ACBD5: variants seen among roughly 807,000 people sequenced by gnomAD.
ACBD5 encodes acyl-CoA binding domain containing 5.
ACBD5 carries 40 observed loss-of-function variants against 71.8 expected under a neutral mutation model. The ratio of observed to expected loss-of-function variants is 0.56; its 90% confidence interval spans 0.43 to 0.72. The LOEUF is 0.72. Among genes scored for constraint, ACBD5 ranks in the 30% least tolerant of loss-of-function variants. The pLI, the probability that ACBD5 is intolerant of heterozygous loss-of-function variation, is 0.00. For synonymous variants in ACBD5, 229 were observed against 218.6 expected (o/e 1.05, Z -0.42); for missense variants, 559 against 644.5 (o/e 0.87, Z 1.44).
chr10:27,193,144 TG>T (rs2059153027), downstream of ACBD5, among the ~76,000 whole-genome samples: 1 of 125,376 alleles, frequency 8.0e-6, no homozygotes, highest in Admixed American at 7.7e-5. Context: ...TGTGTGTGTG[TG>T]TGTGTGTGTG....
chr10:27,226,958 C>T (rs1346659656), intron 4 of ACBD5, among the ~76,000 whole-genome samples: 3 of 148,024 alleles, frequency 2.0e-5, no homozygotes, highest in South Asian at 2.1e-4. Context: ...TGAGCCACTG[C>T]GCCTGGCCCA....
chr10:27,213,750 T>C (rs1190158064), intron 8 of ACBD5, among the ~76,000 whole-genome samples: 1 of 112,792 alleles, frequency 8.9e-6, no homozygotes, highest in East Asian at 2.5e-4. Flanking sequence ...AGAGGGAAAC[T>C]CCGCCTCAGA....
rs1437326317 is a variant in ACBD5, at chr10:27,240,438, G to A, written c.62C>T (p.Pro21Leu). ...WESWCCCCLI[P>L]ADRPWDRGQH... ...GCCCCGGTCCCAAGGTCTGTCGGCG[G>A]GAATCAGGCAGCAGCAGCACCAGCT... The change falls in exon 2 of 13, where the codon CCC (proline) becomes CTC (leucine). Residue 21 changes from proline to leucine, a missense_variant. Pro to Leu is a moderately conservative substitution (Grantham distance 98, BLOSUM62 -3). Transcript: ENST00000396271. The surrounding 1 kb of genome is among the most constrained non-coding windows in gnomAD (Gnocchi z 4.1). 1 of 1,614,060 alleles carries A rather than the reference G, an allele frequency of 6.2e-7. No homozygotes were observed. Among genetic ancestry groups the A allele is most frequent in the African/African-American group, 1.3e-5 (1 of 75,012 alleles).
At position 27,240,631 on chromosome 10, in the gene ACBD5, T is replaced by G. The variant is rs2065376220; in HGVS notation, c.15+43A>C. The G allele has an allele frequency of 6.4e-7, 1 of 1,550,702 alleles. No homozygotes were observed. Among genetic ancestry groups the G allele is most frequent in the Non-Finnish European group, 8.7e-7 (1 of 1,146,918 alleles). On this transcript the variant is annotated intron_variant, in intron 1 of 12. Coordinates refer to ENST00000396271, the MANE Select transcript of ACBD5 (RefSeq NM_145698.5). The surrounding 1 kb of genome is among the most constrained non-coding windows in gnomAD (Gnocchi z 4.1). Reference sequence around the variant, plus strand: ...CCTTCCTCCTCCCCCGGGGCGTGACTAAGGCCACGAATCCGGCCCGCGACG... The same window carrying G: ...CCTTCCTCCTCCCCCGGGGCGTGACGAAGGCCACGAATCCGGCCCGCGACG...
chr10:27,228,176 C>T (rs1482821462), intron 4 of ACBD5, among the ~76,000 whole-genome samples: 1 of 151,304 alleles, frequency 6.6e-6, no homozygotes, highest in Admixed American at 6.6e-5. Context: ...GGGTTTAGTA[C>T]ACCCATCTCT....
At chr10:27,231,322 G>C (rs2063827323) in intron 4 of ACBD5, among the ~76,000 whole-genome samples, 1 of 152,174 alleles carries the variant, frequency 6.6e-6, no homozygotes, top group African/African-American at 2.4e-5. Context: ...TTCAAGACCA[G>C]CCTGGCCAAC....
intron 4 of ACBD5, among the ~76,000 whole-genome samples, chr10:27,230,827 T>A (rs1204491881): frequency 6.7e-6 from 1 of 149,148 alleles, no homozygotes; most frequent in African/African-American, 2.5e-5. Flanking sequence ...TCTATGATCA[T>A]CTTTAAAATT....
intron 12 of ACBD5, 74 bp from the exon 13 acceptor site, chr10:27,197,516 T>C: frequency 8.9e-7 from 1 of 1,125,874 alleles, no homozygotes; most frequent in East Asian, 2.5e-5. Context: ...AACATAATAA[T>C]AATAACATAC....
chr10:27,190,564 G>C (rs1224772209), downstream of ACBD5, among the ~76,000 whole-genome samples: 1 of 152,046 alleles, frequency 6.6e-6, no homozygotes. Context: ...AAGGACATTC[G>C]GGTCTAATTC....
chr10:27,207,239 GCACT>G (rs1203005999), intron 10 of ACBD5, among the ~76,000 whole-genome samples: 2 of 151,426 alleles, frequency 1.3e-5, no homozygotes, highest in Non-Finnish European at 2.9e-5. Context: ...TCCCGCCACT[GCACT>G]CCAGCCTGGT....
At position 27,195,861 on chromosome 10, in the gene ACBD5, A is replaced by G. The variant is rs2059336158; in HGVS notation, c.*1569T>C. ...TTATTTCTTATTTAAAACACTGTGA[A>G]CATATGATGTTAAACCCAACATCAT... On this transcript the variant is annotated 3_prime_UTR_variant, in exon 13 of 13. Transcript: ENST00000396271. 2.2e-6 allele frequency: 1 copy of G among 452,294 alleles called. No homozygotes were observed. The highest frequency in any genetic ancestry group is 2.0e-5 in the African/African-American group (1 of 49,924). The allele number at this position is 452,294 out of a possible 1,614,324, so 28.0% of individuals were successfully genotyped here.
Position 27,240,733 on chromosome 10 carries a change from G to A in ACBD5, c.-45C>T. 2 of 1,550,200 alleles carry A rather than the reference G, an allele frequency of 1.3e-6. No homozygotes were observed. The highest frequency in any genetic ancestry group is 1.7e-6 in the Non-Finnish European group (2 of 1,146,938). ...GGGTCCGGGCATCGGTGGCCGCGGA[G>A]CCGCTCTCCCACCCTGGGGACCCTG... On this transcript the variant is annotated 5_prime_UTR_variant, in exon 1 of 13. Coordinates refer to ENST00000396271, the MANE Select transcript of ACBD5 (RefSeq NM_145698.5). This position sits in a 1 kb window ranked among gnomAD's most constrained non-coding sequence, Gnocchi z 4.1.
chr10:27,189,540 C>CATG (rs1364269381), intron 13 of ACBD5, among the ~76,000 whole-genome samples: 1 of 144,788 alleles, frequency 6.9e-6, no homozygotes, highest in Non-Finnish European at 1.5e-5. Flanking sequence ...CCAAACACCG[C>CATG]ATGTTCTCAC....
chr10:27,204,719 G>A lies in ACBD5; in HGVS notation c.1456-170C>T, dbSNP rs12570662. Among the ~76,000 whole-genome samples the A allele has an allele frequency of 0.017, 2,563 of 152,260 alleles. 154 individuals are homozygous for A. The highest frequency in any genetic ancestry group is 0.16 in the South Asian group (775 of 4,828). ...TTTCAGAGTATAATTCAGGAAACAG[G>A]CTTTCAGGAGTAGTTCAGACTTAAA... On this transcript the variant is annotated intron_variant, in intron 11 of 12. Transcript: ENST00000396271.
intron 13 of ACBD5, among the ~76,000 whole-genome samples, chr10:27,182,848 A>G (rs991274196): frequency 2.7e-5 from 4 of 150,162 alleles, no homozygotes; most frequent in African/African-American, 7.4e-5. Context: ...GTGTCTCACT[A>G]TGTTGCTTAG....
At chr10:27,224,615 A>G (rs2062775354) in intron 4 of ACBD5, among the ~76,000 whole-genome samples, 1 of 152,248 alleles carries the variant, frequency 6.6e-6, no homozygotes, top group Admixed American at 6.5e-5. Flanking sequence ...AAAGGTATTT[A>G]ACTAAACAGC....
intron 10 of ACBD5, among the ~76,000 whole-genome samples, chr10:27,207,629 A>T (rs2060608026): frequency 6.6e-6 from 1 of 152,250 alleles, no homozygotes; most frequent in Non-Finnish European, 1.5e-5. Flanking sequence ...AAGAAGCGGC[A>T]GCTGAGTCCC....
chr10:27,239,737 TTTTG>T (rs35949495), intron 2 of ACBD5, among the ~76,000 whole-genome samples: 108,680 of 150,608 alleles, frequency 0.72, 39,322 homozygotes, highest in Non-Finnish European at 0.74. Flanking sequence ...CAGCCTAGAT[TTTTG>T]TTTGTTTGTT....
intron 13 of ACBD5, chr10:27,186,515 T>G: frequency 1.2e-6 from 2 of 1,613,662 alleles, no homozygotes; most frequent in Non-Finnish European, 1.7e-6. Flanking sequence ...AGCACCTGAC[T>G]GTATCTGGAT....
Sources: gnomAD v4.1 joint callset for allele counts (sites outside exome capture counted in the v4.1 genomes callset) on GRCh38, gnomAD v4.1.1 for gene constraint, Gnocchi (gnomAD v3.1) non-coding constraint, MANE v1.5 for transcripts, NCBI Gene and HGNC (gene_info 2026-07-23, HGNC 2026-07-21) for gene names.